MIEF1: variants seen among roughly 807,000 people sequenced by gnomAD.
MIEF1 encodes mitochondrial elongation factor 1, also known as mitochondrial dynamics protein MIEF1.
MIEF1 carries 14 observed loss-of-function variants against 35.1 expected under a neutral mutation model. That is an observed-to-expected ratio of 0.40 (90% CI 0.26 to 0.62). The LOEUF (loss-of-function observed/expected upper bound fraction) is 0.62. Ranked by LOEUF, MIEF1 falls within the 20% of genes least tolerant of loss-of-function variation. MIEF1 has a pLI of 0.43. For synonymous variants in MIEF1, 245 were observed against 254.3 expected (o/e 0.96, Z 0.35); for missense variants, 542 against 615.4 (o/e 0.88, Z 1.26).
Position 39,515,335 on chromosome 22 carries a change from T to C in MIEF1, c.*1012T>C. The C allele has an allele frequency of 1.4e-6, 1 of 717,684 alleles. No individual in the cohort carries two copies. The highest frequency in any genetic ancestry group is 2.3e-4 in the Middle Eastern group (1 of 4,370). The allele number at this position is 717,684 out of a possible 1,614,324, so 44.5% of individuals were successfully genotyped here. On this transcript the variant is annotated 3_prime_UTR_variant, in exon 6 of 6. Coordinates refer to ENST00000325301, the MANE Select transcript of MIEF1 (RefSeq NM_019008.6). ...AATCCAGTCACTAGTTGGGGTTTGGTGGCCATGTTTTCTACCCAGACAGGC... is the reference window on the plus strand; with the variant it reads ...AATCCAGTCACTAGTTGGGGTTTGGCGGCCATGTTTTCTACCCAGACAGGC...
intron 4 of MIEF1, 34 bp downstream of exon 4, chr22:39,512,060 C>T: frequency 3.1e-6 from 5 of 1,598,396 alleles, no homozygotes; most frequent in Non-Finnish European, 4.3e-6. Context: ...TGGGACCTCT[C>T]TGGACTTTCA....
At position 39,513,531 on chromosome 22, in the gene MIEF1, C is replaced by T. The variant is rs781546827; in HGVS notation, c.600C>T (p.Asp200=). The stretch of plus-strand genomic sequence containing the variant: ...TGCCCTGACAGGTGGTGACAGCTGA[C>T]CACATCCAACTCATTGTGCCCCTTG... The part of the protein sequence containing the change: ...LYDDLQVVTA[D]HIQLIVPLVL... Residue 200 remains aspartate, a synonymous_variant, in exon 6 of 6, where the codon GAC becomes GAT. Transcript: ENST00000325301. 2 of 1,613,738 alleles carry T rather than the reference C, an allele frequency of 1.2e-6. No individual in the cohort carries two copies. Among genetic ancestry groups the T allele is most frequent in the African/African-American group, 1.3e-5 (1 of 74,908 alleles).
rs1930709290 is a variant in MIEF1 at position 39,517,077 on chromosome 22, T to TG, written c.*2758dup. The TG allele has an allele frequency of 6.5e-6, 1 of 153,182 alleles. No individual in the cohort carries two copies. The highest frequency in any genetic ancestry group is 2.4e-5 in the African/African-American group (1 of 41,456). 9.5% of individuals were successfully genotyped at this position (153,182 alleles called of 1,614,324 possible). On this transcript the variant is annotated 3_prime_UTR_variant, in exon 6 of 6. Transcript: ENST00000325301. The stretch of plus-strand genomic sequence containing the variant: ...GCACCTGCCCCCTTTTTTAAATCTT[T>TG]GGGGAAAGATGAGTAACTTTCCCCA...
chr22:39,506,838 TG>T (rs1418762279), intron 2 of MIEF1, among the ~76,000 whole-genome samples: 1 of 152,266 alleles, frequency 6.6e-6, no homozygotes, highest in African/African-American at 2.4e-5. Context: ...CCACCAGGTC[TG>T]TGTTCCTTCT....
chr22:39,515,510 C>A lies in MIEF1; in HGVS notation c.*1187C>A. The A allele has an allele frequency of 1.6e-6, 1 of 609,132 alleles. No individual in the cohort carries two copies. Among genetic ancestry groups the A allele is most frequent in the Non-Finnish European group, 3.0e-6 (1 of 338,602 alleles). 37.7% of individuals were successfully genotyped at this position (609,132 alleles called of 1,614,324 possible). Reference sequence around the variant, plus strand: ...CAAGTGAGCATGCACGGACCTCTTCCCCCTGTCCTGTTTCTCACCCAGCAC... The same window carrying A: ...CAAGTGAGCATGCACGGACCTCTTCACCCTGTCCTGTTTCTCACCCAGCAC... On this transcript the variant is annotated 3_prime_UTR_variant, in exon 6 of 6. Transcript: ENST00000325301.
At position 39,514,942 on chromosome 22, in the gene MIEF1, C is replaced by A; in HGVS notation, c.*619C>A. The A allele has an allele frequency of 2.7e-6, 1 of 364,602 alleles. No individual in the cohort carries two copies. Among genetic ancestry groups the A allele is most frequent in the Non-Finnish European group, 5.0e-6 (1 of 200,180 alleles). The allele number at this position is 364,602 out of a possible 1,614,324, so 22.6% of individuals were successfully genotyped here. ...GTCCATCCTCCCCCCAACCTCCTGA[C>A]CCATTCATAAATGCTGAGAATGTCT... On this transcript the variant is annotated 3_prime_UTR_variant, in exon 6 of 6. Transcript: ENST00000325301.
chr22:39,506,405 G>A (rs1930018494), intron 2 of MIEF1, among the ~76,000 whole-genome samples: 1 of 152,110 alleles, frequency 6.6e-6, no homozygotes, highest in Non-Finnish European at 1.5e-5. Context: ...TCAAATCTTG[G>A]TCACATACTT....
intron 2 of MIEF1, among the ~76,000 whole-genome samples, chr22:39,510,647 G>A (rs1329174554): frequency 6.6e-6 from 1 of 152,238 alleles, no homozygotes; most frequent in African/African-American, 2.4e-5. Flanking sequence ...GATGGCATTA[G>A]ATGAGCTCCA....
intron 2 of MIEF1, 98 bp from the exon 3 acceptor site, chr22:39,511,190 C>A: frequency 1.3e-6 from 2 of 1,506,528 alleles, no homozygotes; most frequent in South Asian, 1.2e-5. Context: ...GTTGCTGGAA[C>A]TCACAGAGTA....
At chr22:39,512,666 A>G (rs1930417762) in intron 5 of MIEF1, among the ~76,000 whole-genome samples, 172 bp downstream of exon 5, 1 of 150,944 alleles carries the variant, frequency 6.6e-6, no homozygotes, top group Admixed American at 6.6e-5. Context: ...TTTTTTTTTG[A>G]GACGGAGTCT....
chr22:39,509,189 C>T (rs554804225), intron 2 of MIEF1: 3 of 152,236 alleles, frequency 2.0e-5, no homozygotes, highest in East Asian at 3.9e-4. Flanking sequence ...CTTCCGACCT[C>T]GTGATCCACC....
Position 39,517,802 on chromosome 22 carries a change from G to T in MIEF1, c.*3479G>T. ...TAAGTGGCCAGAATACCAGAGAGGT[G>T]GGTTCCATGGTCAAATGCACAGTAG... On this transcript the variant is annotated 3_prime_UTR_variant, in exon 6 of 6. Transcript: ENST00000325301. 3.1e-6 allele frequency: 1 copy of T among 324,282 alleles called. No homozygotes were observed. The allele number at this position is 324,282 out of a possible 1,614,324, so 20.1% of individuals were successfully genotyped here.
chr22:39,504,786 T>TG lies in MIEF1; in HGVS notation c.-8+259dup, dbSNP rs962852422. ...ACAGAATGAGACCCTGTCTCTGGGG[T>TG]GGGGGGGAAAAAAGAGGACATTTGA... On this transcript the variant is annotated intron_variant, in intron 2 of 5. Coordinates refer to ENST00000325301, the MANE Select transcript of MIEF1 (RefSeq NM_019008.6). 1.5e-4 allele frequency: 27 copies of TG among 174,358 alleles called. No individual in the cohort carries two copies. In the East Asian group the frequency reaches 1.8e-3, roughly 12 times the overall value. The allele number at this position is 174,358 out of a possible 1,614,324, so 10.8% of individuals were successfully genotyped here. A position where few individuals can be genotyped will look rare whatever the true frequency, so the allele number is the denominator to read the frequency against.
chr22:39,507,529 G>A (rs1264408201), intron 2 of MIEF1, among the ~76,000 whole-genome samples: 3 of 151,350 alleles, frequency 2.0e-5, no homozygotes, highest in Non-Finnish European at 4.4e-5. Context: ...ACAGGCGTGA[G>A]CCACCGTACC....
Position 39,504,202 on chromosome 22 carries a change from G to A in MIEF1, c.-339-1G>A, listed in dbSNP as rs764883173. 17 of 399,006 alleles carry A rather than the reference G, an allele frequency of 4.3e-5. No homozygotes were observed. Among genetic ancestry groups the A allele is most frequent in the Non-Finnish European group, 6.2e-5 (14 of 226,168 alleles). 24.7% of individuals were successfully genotyped at this position (399,006 alleles called of 1,614,324 possible). A position where few individuals can be genotyped will look rare whatever the true frequency, so the allele number is the denominator to read the frequency against. On this transcript the variant is annotated splice_acceptor_variant, in intron 1 of 5. Transcript: ENST00000325301. LOFTEE classifies it low-confidence loss of function (5UTR_SPLICE). The stretch of plus-strand genomic sequence containing the variant: ...TTGTATGTCTTTCCTTCTGTTTATA[G>A]TGTGACACCCAGCCCCTGCCAGTCC...
intron 2 of MIEF1, among the ~76,000 whole-genome samples, chr22:39,506,560 T>G (rs1930025934): frequency 6.6e-6 from 1 of 152,188 alleles, no homozygotes; most frequent in Non-Finnish European, 1.5e-5. Context: ...CAGCACATAA[T>G]ACACACTCAA....
At chr22:39,508,301 C>A (rs1314204942) in intron 2 of MIEF1, among the ~76,000 whole-genome samples, 1 of 152,192 alleles carries the variant, frequency 6.6e-6, no homozygotes, top group Non-Finnish European at 1.5e-5. Flanking sequence ...TCTGTTCTGT[C>A]ATCTGTAGCA....
Position 39,515,364 on chromosome 22 carries a change from G to C in MIEF1, c.*1041G>C. ...CATGTTTTCTACCCAGACAGGCCCTGCTTTTCTAGGATGTGGCCTTAGAGC... is the reference window on the plus strand; with the variant it reads ...CATGTTTTCTACCCAGACAGGCCCTCCTTTTCTAGGATGTGGCCTTAGAGC... On this transcript the variant is annotated 3_prime_UTR_variant, in exon 6 of 6. Coordinates refer to ENST00000325301, the MANE Select transcript of MIEF1 (RefSeq NM_019008.6). 1 of 717,192 alleles carries C rather than the reference G, an allele frequency of 1.4e-6. No individual in the cohort carries two copies. Among genetic ancestry groups the C allele is most frequent in the East Asian group, 2.7e-5 (1 of 37,288 alleles). The allele number at this position is 717,192 out of a possible 1,614,324, so 44.4% of individuals were successfully genotyped here.
At chr22:39,513,228 G>A (rs1272574862) in intron 5 of MIEF1, among the ~76,000 whole-genome samples, 1 of 151,888 alleles carries the variant, frequency 6.6e-6, no homozygotes, top group Admixed American at 6.6e-5. Flanking sequence ...AGCCTCCTGA[G>A]TAGCTGGGAT....
Sources: gnomAD v4.1 joint callset for allele counts (sites outside exome capture counted in the v4.1 genomes callset) on GRCh38, gnomAD v4.1.1 for gene constraint, MANE v1.5 for transcripts, NCBI Gene and HGNC (gene_info 2026-07-23, HGNC 2026-07-21) for gene names.